Variants in CNNM2 observed in about 807,000 individuals in gnomAD.
CNNM2 encodes metal transporter CNNM2.
In CNNM2, 12 loss-of-function variants were observed where a neutral mutation model predicts 66.9. The ratio of observed to expected loss-of-function variants is 0.18; its 90% confidence interval spans 0.11 to 0.29. CNNM2 has a LOEUF of 0.29. Among genes scored for constraint, CNNM2 ranks in the 10% least tolerant of loss-of-function variants. CNNM2 has a pLI of 1.00. For missense variants in CNNM2, 705 were observed against 1,167.7 expected (o/e 0.60, Z 5.77); for synonymous variants, 557 against 501.8 (o/e 1.11, Z -1.47).
intron 1 of CNNM2, among the ~76,000 whole-genome samples, chr10:102,950,247 G>A (rs1846777139): frequency 6.6e-6 from 1 of 152,030 alleles, no homozygotes; most frequent in South Asian, 2.1e-4. Flanking sequence ...ATTTGATGGA[G>A]GAAAAATAAC....
intron 1 of CNNM2, among the ~76,000 whole-genome samples, chr10:102,942,837 A>G (rs951277738): frequency 1.3e-5 from 2 of 152,262 alleles, no homozygotes; most frequent in Admixed American, 1.3e-4. Context: ...CAGTAGAGTT[A>G]CATTTATAAA....
At chr10:102,927,722 G>A (rs1590260986) in intron 1 of CNNM2, 1 of 282,156 alleles carries the variant, frequency 3.5e-6, no homozygotes, top group East Asian at 7.2e-5. Context: ...CTGAGATCAC[G>A]TCACTGGACG....
intron 1 of CNNM2, among the ~76,000 whole-genome samples, chr10:102,937,341 C>T (rs1441287272): frequency 6.6e-6 from 1 of 151,602 alleles, no homozygotes; most frequent in African/African-American, 2.4e-5. Flanking sequence ...AGTTCAAGCC[C>T]AGCCTGGGCA....
chr10:103,054,702 C>T lies in CNNM2; in HGVS notation c.1903+236C>T, dbSNP rs2065269900. ...CTCTGAGACATTTACCAGGGGTGGACCAGTAACTTAAAATTGGTCTGAAAG... is the reference window on the plus strand; with the variant it reads ...CTCTGAGACATTTACCAGGGGTGGATCAGTAACTTAAAATTGGTCTGAAAG... On this transcript the variant is annotated intron_variant, in intron 3 of 7. Transcript: ENST00000369878. This position sits in a 1 kb window ranked among gnomAD's most constrained non-coding sequence, Gnocchi z 5.2. Among the ~76,000 whole-genome samples the T allele has an allele frequency of 6.6e-6, 1 of 152,036 alleles. No homozygotes were observed. The highest frequency in any genetic ancestry group is 1.5e-5 in the Non-Finnish European group (1 of 68,018).
rs1926032 is a variant in CNNM2, at chr10:103,069,712, C to T, written c.2167+990C>T. ...GTGGCTTGCTGGCCTCTGGGGATGG[C>T]GCTGCTTGGCAGAGCGCACACGCTT... On this transcript the variant is annotated intron_variant, in intron 5 of 7. Transcript: ENST00000369878. 0.073 allele frequency among the ~76,000 whole-genome samples: 11,188 copies of T among 152,252 alleles called. 627 individuals are homozygous for T. Among genetic ancestry groups the T allele is most frequent in the East Asian group, 0.27 (1,409 of 5,174 alleles).
intron 1 of CNNM2, among the ~76,000 whole-genome samples, chr10:102,934,275 CTTTCTTT>C (rs1846156987): frequency 7.4e-6 from 1 of 135,360 alleles, no homozygotes; most frequent in Non-Finnish European, 1.6e-5. Flanking sequence ...TTCTTTCTTT[CTTTCTTT>C]TTTTTTTTTT....
At chr10:103,050,306 T>TG (rs1417015815) in intron 2 of CNNM2, among the ~76,000 whole-genome samples, 1 of 152,096 alleles carries the variant, frequency 6.6e-6, no homozygotes, top group Non-Finnish European at 1.5e-5. Context: ...CCGAGGCAGG[T>TG]GAATCACCTG....
intron 1 of CNNM2, among the ~76,000 whole-genome samples, chr10:102,929,926 A>G (rs1846010042): frequency 6.6e-6 from 1 of 152,236 alleles, no homozygotes; most frequent in Admixed American, 6.5e-5. Flanking sequence ...GTAATGCCTA[A>G]TATAGCAAGT....
intron 1 of CNNM2, among the ~76,000 whole-genome samples, chr10:103,000,606 A>G (rs1011191634): frequency 3.3e-5 from 5 of 152,012 alleles, no homozygotes; most frequent in Non-Finnish European, 7.4e-5. Context: ...GGTGCGTGCC[A>G]CCACACCTGG....
intron 1 of CNNM2, among the ~76,000 whole-genome samples, chr10:102,928,238 A>G (rs911013348): frequency 2.0e-5 from 3 of 152,142 alleles, no homozygotes; most frequent in Non-Finnish European, 2.9e-5. Flanking sequence ...CTTGGTTGTT[A>G]TCTTAGTCTG....
Position 103,054,550 on chromosome 10 carries a change from G to A in CNNM2, c.1903+84G>A, listed in dbSNP as rs2065266421. On this transcript the variant is annotated intron_variant, in intron 3 of 7. Transcript: ENST00000369878. The surrounding 1 kb of genome is among the most constrained non-coding windows in gnomAD (Gnocchi z 5.2). ...CACCACTGACTGGGGTGGGTTGGGGGTGGACACTGGGAAATGGGGTGATAA... is the reference window on the plus strand; with the variant it reads ...CACCACTGACTGGGGTGGGTTGGGGATGGACACTGGGAAATGGGGTGATAA... 3 of 1,431,190 alleles carry A rather than the reference G, an allele frequency of 2.1e-6. No homozygotes were observed. The highest frequency in any genetic ancestry group is 2.1e-5 in the Admixed American group (1 of 47,608). The allele number at this position is 1,431,190 out of a possible 1,614,324, so 88.7% of individuals were successfully genotyped here.
At chr10:103,036,583 C>G (rs2064943341) in intron 1 of CNNM2, among the ~76,000 whole-genome samples, 1 of 152,122 alleles carries the variant, frequency 6.6e-6, no homozygotes, top group African/African-American at 2.4e-5. Context: ...TTTATCAAAT[C>G]GAGGTGGGGT....
chr10:103,042,375 C>G (rs2065057281), intron 1 of CNNM2, among the ~76,000 whole-genome samples: 1 of 152,220 alleles, frequency 6.6e-6, no homozygotes, highest in Admixed American at 6.5e-5. Context: ...TGCTGCCAGG[C>G]CTTTCCCTGG....
intron 3 of CNNM2, among the ~76,000 whole-genome samples, chr10:103,056,016 A>T (rs192128294): frequency 1.3e-5 from 2 of 151,352 alleles, no homozygotes; most frequent in Admixed American, 1.3e-4. Flanking sequence ...TGAACCCGGG[A>T]GGTGGCGGTT....
intron 1 of CNNM2, among the ~76,000 whole-genome samples, chr10:102,976,228 TAGA>T (rs1323533219): frequency 5.3e-5 from 8 of 152,128 alleles, no homozygotes; most frequent in Admixed American, 3.9e-4. Flanking sequence ...GAGTGGAATT[TAGA>T]AGAGAAAGCA....
intron 1 of CNNM2, among the ~76,000 whole-genome samples, chr10:102,990,711 C>T (rs372631094): frequency 8.5e-5 from 13 of 152,244 alleles, no homozygotes; most frequent in African/African-American, 2.4e-4. Flanking sequence ...CAGAGTGAAG[C>T]GATCTTTAAT....
chr10:102,921,934 T>C (rs1437643120), intron 1 of CNNM2, among the ~76,000 whole-genome samples: 1 of 152,198 alleles, frequency 6.6e-6, no homozygotes, highest in East Asian at 1.9e-4. Flanking sequence ...AATTTCAAAA[T>C]TCGTATTATT....
intron 1 of CNNM2, among the ~76,000 whole-genome samples, chr10:102,958,117 G>A (rs1238117893): frequency 1.3e-5 from 2 of 152,022 alleles, no homozygotes; most frequent in Non-Finnish European, 2.9e-5. Context: ...TGTATTTTTA[G>A]TAGAGACGGG....
chr10:103,005,969 A>G lies in CNNM2; in HGVS notation c.1622-43738A>G, dbSNP rs146146210. On this transcript the variant is annotated intron_variant, in intron 1 of 7. Coordinates refer to ENST00000369878, the MANE Select transcript of CNNM2 (RefSeq NM_017649.5). The stretch of plus-strand genomic sequence containing the variant: ...GTCTCAAACCCCTGGGCTCAAGCTC[A>G]TGGTTATATATAGATTCTCTTGGAT... 4.6e-5 allele frequency among the ~76,000 whole-genome samples: 7 copies of G among 152,098 alleles called. No individual in the cohort carries two copies. The East Asian group carries it at 1.2e-3, about 25-fold the overall frequency.
Sources: allele counts gnomAD v4.1 joint callset (sites outside exome capture counted in the v4.1 genomes callset), GRCh38; gene constraint gnomAD v4.1.1; non-coding constraint Gnocchi (gnomAD v3.1); transcripts MANE v1.5; gene names NCBI Gene and HGNC (gene_info 2026-07-23, HGNC 2026-07-21).